Variants in PRPF8 observed in about 807,000 individuals in gnomAD.
The protein encoded by PRPF8 is pre-mRNA-processing-splicing factor 8.
In PRPF8, 64 loss-of-function variants were observed where a neutral mutation model predicts 285.9. The observed-to-expected ratio is 0.22, with a 90% CI of 0.18 to 0.28. The LOEUF (loss-of-function observed/expected upper bound fraction) is 0.28. Ranked by LOEUF, PRPF8 falls within the 10% of genes least tolerant of loss-of-function variation. The pLI, the probability that PRPF8 is intolerant of heterozygous loss-of-function variation, is 1.00. For missense variants in PRPF8, 1,426 were observed against 3,026.7 expected, an observed-to-expected ratio of 0.47 and a Z score of 12.41; for synonymous variants, 1,325 against 1,118.2, an observed-to-expected ratio of 1.18 and a Z score of -3.69.
Position 1,658,776 on chromosome 17 carries a change from A to G in PRPF8, c.5139-13T>C. ...GTTTCCATAGGCACTGTGAGGATAA[A>G]AGGGTCAAGAAAAGTTAAGACGAGA... is the stretch of plus-strand genomic sequence containing the variant. On this transcript the variant is annotated splice_polypyrimidine_tract_variant and intron_variant, in intron 32 of 42. Coordinates refer to ENST00000304992, the MANE Select transcript of PRPF8 (RefSeq NM_006445.4). This position sits in a 1 kb window ranked among gnomAD's most constrained non-coding sequence, Gnocchi z 4.1. 1 of 1,611,982 alleles carries G rather than the reference A, an allele frequency of 6.2e-7. No homozygotes were observed. Among genetic ancestry groups the G allele is most frequent in the Non-Finnish European group, 8.5e-7 (1 of 1,178,026 alleles).
chr17:1,668,932 C>G (rs1912152761), intron 24 of PRPF8, among the ~76,000 whole-genome samples: 1 of 152,176 alleles, frequency 6.6e-6, no homozygotes, highest in African/African-American at 2.4e-5. Context: ...ACTCTTTCCC[C>G]TAACTGCAGC....
intron 2 of PRPF8, 55 bp downstream of exon 2, chr17:1,684,417 G>C (rs375444614): frequency 1.1e-4 from 171 of 1,587,352 alleles, no homozygotes; most frequent in East Asian, 2.5e-4. Context: ...CCGCCTGCGC[G>C]CGCGCACACC....
chr17:1,669,160 G>A (rs989882236), intron 24 of PRPF8, among the ~76,000 whole-genome samples: 8 of 152,200 alleles, frequency 5.3e-5, no homozygotes, highest in Non-Finnish European at 7.3e-5. Context: ...AGGCTGGGGT[G>A]CAGTGGCACG....
At chr17:1,652,607 A>T (rs975280327) in intron 39 of PRPF8, 2 of 153,576 alleles carry the variant, frequency 1.3e-5, no homozygotes, top group African/African-American at 4.8e-5. Context: ...AGGCAGTGAC[A>T]TGATCTCAGC....
intron 36 of PRPF8, among the ~76,000 whole-genome samples, chr17:1,655,770 G>A (rs1245748002): frequency 6.6e-6 from 1 of 151,904 alleles, no homozygotes; most frequent in Non-Finnish European, 1.5e-5. Flanking sequence ...GGGATGACAG[G>A]CACCTGCCAC....
intron 37 of PRPF8, 99 bp downstream of exon 37, chr17:1,655,251 C>T: frequency 7.2e-7 from 1 of 1,386,542 alleles, no homozygotes; most frequent in Non-Finnish European, 1.0e-6. Context: ...AGCCACCGCG[C>T]CTGGCCTTCT....
intron 24 of PRPF8, among the ~76,000 whole-genome samples, chr17:1,671,110 C>T (rs898290616): frequency 1.3e-5 from 2 of 152,124 alleles, no homozygotes; most frequent in African/African-American, 4.8e-5. Flanking sequence ...TTGAACTTTC[C>T]ATGGTCCCAT....
In PRPF8 at chr17:1,659,306, G is replaced by T. The variant is rs368613763; in HGVS notation, c.5138+51C>A. On this transcript the variant is annotated intron_variant, in intron 32 of 42. Transcript: ENST00000304992. This position sits in a 1 kb window ranked among gnomAD's most constrained non-coding sequence, Gnocchi z 5.1. ...CTCCCAAAGTGCTGGGATTACAGGT[G>T]TGAGCCACTGCGCCTGGCCTGAAAA... 1.2e-6 allele frequency: 2 copies of T among 1,604,022 alleles called. No individual in the cohort carries two copies. Among genetic ancestry groups the T allele is most frequent in the South Asian group, 2.2e-5 (2 of 90,808 alleles).
chr17:1,658,893 CA>C lies in PRPF8; in HGVS notation c.5139-131del, dbSNP rs1911533820. 5 of 824,860 alleles carry C rather than the reference CA, an allele frequency of 6.1e-6. No homozygotes were observed. The South Asian group carries it at 7.1e-5, about 12-fold the overall frequency. The allele number at this position is 824,860 out of a possible 1,614,324, so 51.1% of individuals were successfully genotyped here. A position where few individuals can be genotyped will look rare whatever the true frequency, so the allele number is the denominator to read the frequency against. ...ACAACACTCTGCTCATGTGTACATACAGGCTGGAGAAGAGAATCAGTGACCC... is the reference window on the plus strand; with the variant it reads ...ACAACACTCTGCTCATGTGTACATACGGCTGGAGAAGAGAATCAGTGACCC... On this transcript the variant is annotated intron_variant, in intron 32 of 42. Coordinates refer to ENST00000304992, the MANE Select transcript of PRPF8 (RefSeq NM_006445.4). This position sits in a 1 kb window ranked among gnomAD's most constrained non-coding sequence, Gnocchi z 4.1.
chr17:1,670,988 C>T (rs1912282521), intron 24 of PRPF8, among the ~76,000 whole-genome samples: 1 of 151,920 alleles, frequency 6.6e-6, no homozygotes, highest in Non-Finnish European at 1.5e-5. Flanking sequence ...GTGCTTAAGA[C>T]CCTTATATGA....
intron 1 of PRPF8, 60 bp downstream of exon 1, chr17:1,684,720 G>T: frequency 1.2e-6 from 1 of 805,134 alleles, no homozygotes. Context: ...AACCCCTTCG[G>T]TCACTCGGCC....
chr17:1,662,195 G>A (rs754580479), intron 24 of PRPF8, 42 bp from the exon 25 acceptor site: 9 of 1,612,020 alleles, frequency 5.6e-6, no homozygotes, highest in Non-Finnish European at 7.6e-6. Context: ...GATGAGCCAG[G>A]GGCGGGGAGG....
At chr17:1,674,055 G>A (rs186438243) in intron 21 of PRPF8, among the ~76,000 whole-genome samples, 163 bp from the exon 22 acceptor site, 50 of 151,604 alleles carry the variant, frequency 3.3e-4, no homozygotes, top group African/African-American at 1.1e-3. Context: ...AGACAGTCTC[G>A]CTCTTTCCCC....
Position 1,651,262 on chromosome 17 carries a change from A to G in PRPF8, c.6699T>C (p.Ser2233=), listed in dbSNP as rs1448528780. ...TGTTCTGGCGGCCCCATTCGTAGCC[A>G]CTGGGGGTCAGCTTGTAGGCCGTCA... ...CTLTAYKLTP[S]GYEWGRQNTD... Residue 2233 remains serine, a synonymous_variant, in exon 42 of 43, where the codon AGT becomes AGC. Transcript: ENST00000304992. This position sits in a 1 kb window ranked among gnomAD's most constrained non-coding sequence, Gnocchi z 5.1. The G allele has an allele frequency of 1.2e-6, 2 of 1,613,974 alleles. No homozygotes were observed. Among genetic ancestry groups the G allele is most frequent in the South Asian group, 1.1e-5 (1 of 91,084 alleles).
rs35169383 is a variant in PRPF8, at chr17:1,661,989, C to G, written c.3939G>C (p.Pro1313=). Residue 1313 remains proline, a synonymous_variant, in exon 25 of 43, where the codon CCG becomes CCC. Transcript: ENST00000304992. This position sits in a 1 kb window ranked among gnomAD's most constrained non-coding sequence, Gnocchi z 7.3. The part of the protein sequence containing the change: ...LNSKMPSRFP[P]VVFYTPKELG... ...ACTCCTTAGGGGTGTAGAACACAAC[C>G]GGGGGGAACCGACTTGGCATCTTGG... 6.8e-6 allele frequency: 11 copies of G among 1,613,876 alleles called. No homozygotes were observed. In the South Asian group the frequency reaches 8.8e-5, roughly 13 times the overall value.
In PRPF8 at chr17:1,651,440, G is replaced by A. The variant is rs371715532; in HGVS notation, c.6624C>T (p.Gly2208=). The change falls in exon 41 of 43, where the codon GGC becomes GGT. Residue 2208 remains glycine, a synonymous_variant. Transcript: ENST00000304992. The surrounding 1 kb of genome is among the most constrained non-coding windows in gnomAD (Gnocchi z 5.1). ...KIMADNPSWD[G]EKTIIITCSF... Reference sequence around the variant, plus strand: ...TGCATGTGATGATAATGGTCTTCTCGCCATCCCAAGATGGGTTGTCAGCCA... The same window carrying A: ...TGCATGTGATGATAATGGTCTTCTCACCATCCCAAGATGGGTTGTCAGCCA... 8 of 1,614,134 alleles carry A rather than the reference G, an allele frequency of 5.0e-6. No homozygotes were observed. Among genetic ancestry groups the A allele is most frequent in the South Asian group, 1.1e-5 (1 of 91,084 alleles).
intron 13 of PRPF8, among the ~76,000 whole-genome samples, 163 bp from the exon 14 acceptor site, chr17:1,677,857 C>T (rs1391276551): frequency 1.3e-5 from 2 of 151,990 alleles, no homozygotes; most frequent in African/African-American, 4.8e-5. Flanking sequence ...ACCTCAACAT[C>T]TAAAACAAAA....
Position 1,679,946 on chromosome 17 carries a change from C to A in PRPF8, c.1099-147G>T. On this transcript the variant is annotated intron_variant, in intron 8 of 42. Transcript: ENST00000304992. This position sits in a 1 kb window ranked among gnomAD's most constrained non-coding sequence, Gnocchi z 4.7. ...CAAAAGCAGCCCTGAAGTGCCAGCA[C>A]AAAGGAAACCAAGACAGCAAAGAAC... 1.1e-6 allele frequency: 1 copy of A among 904,308 alleles called. No homozygotes were observed. Among genetic ancestry groups the A allele is most frequent in the Non-Finnish European group, 1.8e-6 (1 of 554,066 alleles). The allele number at this position is 904,308 out of a possible 1,614,324, so 56.0% of individuals were successfully genotyped here. A position where few individuals can be genotyped will look rare whatever the true frequency, so the allele number is the denominator to read the frequency against.
In PRPF8 at chr17:1,674,023, ATTT is replaced by A. The variant is rs756684936; in HGVS notation, c.3300-134_3300-132del. 1.2e-4 allele frequency: 117 copies of A among 992,496 alleles called. 1 individual carries two copies. Among genetic ancestry groups the A allele is most frequent in the Non-Finnish European group, 1.6e-4 (108 of 668,282 alleles). 61.5% of individuals were successfully genotyped at this position (992,496 alleles called of 1,614,324 possible). On this transcript the variant is annotated intron_variant, in intron 21 of 42. Transcript: ENST00000304992. ...CCCTCCCCGGGCTTCATTCCATTTT[ATTT>A]TTATTTATTTATTTTTTGAGACAGT...
Sources: gnomAD v4.1 joint callset for allele counts (sites outside exome capture counted in the v4.1 genomes callset) on GRCh38, gnomAD v4.1.1 for gene constraint, Gnocchi (gnomAD v3.1) non-coding constraint, MANE v1.5 for transcripts, NCBI Gene and HGNC (gene_info 2026-07-23, HGNC 2026-07-21) for gene names.